The following MGST2 variants were observed in gnomAD, a reference collection of about 807,000 sequenced individuals.
MGST2 encodes microsomal glutathione S-transferase 2, also known as glutathione peroxidase MGST2.
MGST2 carries 9 observed loss-of-function variants against 16.6 expected under a neutral mutation model. The ratio of observed to expected loss-of-function variants is 0.54; its 90% CI spans 0.33 to 0.95. The LOEUF (loss-of-function observed/expected upper bound fraction) is 0.95, where lower values mean the gene tolerates loss of function less well. MGST2 is among the 40% of genes least tolerant of loss of function. MGST2 has a pLI of 0.03. For missense variants in MGST2, 159 were observed against 175.1 expected, an observed-to-expected ratio of 0.91 and a Z score of 0.52; for synonymous variants, 79 against 68.0, an observed-to-expected ratio of 1.16 and a Z score of -0.79.
At chr4:139,683,108 G>A (rs77945255) in intron 2 of MGST2, among the ~76,000 whole-genome samples, 2,043 of 152,306 alleles carry the variant, frequency 0.013, 51 homozygotes, top group African/African-American at 0.045. Flanking sequence ...AGGGTGGCAA[G>A]TTTCATCCTG....
chr4:139,701,789 C>G lies in MGST2; in HGVS notation c.230-1666C>G, dbSNP rs185506387. ...GACCAGCCTAGGCAACATAGGGAGG[C>G]CTTTTCTCTGAAAAAAAAAATTAAA... On this transcript the variant is annotated intron_variant, in intron 3 of 4. Transcript: ENST00000265498. Among the ~76,000 whole-genome samples the G allele has an allele frequency of 1.5e-3, 234 of 151,874 alleles. 1 individual carries two copies. Among genetic ancestry groups the G allele is most frequent in the African/African-American group, 5.0e-3 (207 of 41,390 alleles).
At chr4:139,686,545 C>T (rs912720244) in intron 2 of MGST2, among the ~76,000 whole-genome samples, 3 of 152,148 alleles carry the variant, frequency 2.0e-5, no homozygotes, top group Admixed American at 6.6e-5. Context: ...TTGGTTTACA[C>T]CCTATTCAAC....
intron 5 of MGST2, among the ~76,000 whole-genome samples, chr4:139,739,503 T>C (rs537879397): frequency 1.3e-5 from 2 of 152,310 alleles, no homozygotes; most frequent in Admixed American, 1.3e-4. Flanking sequence ...ACCAAAGCAA[T>C]TCTACATTGG....
chr4:139,665,917 A>AC lies in MGST2; in HGVS notation c.-100dup. 2 of 1,186,628 alleles carry AC rather than the reference A, an allele frequency of 1.7e-6. No homozygotes were observed. Among genetic ancestry groups the AC allele is most frequent in the Non-Finnish European group, 2.5e-6 (2 of 803,712 alleles). The allele number at this position is 1,186,628 out of a possible 1,614,324, so 73.5% of individuals were successfully genotyped here. On this transcript the variant is annotated 5_prime_UTR_variant, in exon 1 of 5. Coordinates refer to ENST00000265498, the MANE Select transcript of MGST2 (RefSeq NM_002413.5). Reference sequence around the variant, plus strand: ...CCGCTTGAATCAGCCTTTTCCCCCCACCCGGTCCCCAACTTTGTTTACCCG... The same window carrying AC: ...CCGCTTGAATCAGCCTTTTCCCCCCACCCCGGTCCCCAACTTTGTTTACCCG...
At chr4:139,718,003 A>T (rs576636098) in intron 5 of MGST2, 3 of 152,264 alleles carry the variant, frequency 2.0e-5, no homozygotes, top group Non-Finnish European at 4.4e-5. Context: ...AGGTGGAGCA[A>T]TTGCTTTTTT....
intron 5 of MGST2, among the ~76,000 whole-genome samples, chr4:139,714,830 C>T (rs968229560): frequency 2.6e-5 from 4 of 152,106 alleles, no homozygotes; most frequent in African/African-American, 4.8e-5. Flanking sequence ...TGGCTGCTGT[C>T]GGTGGAGCAA....
At chr4:139,681,251 C>T (rs1419924729) in intron 2 of MGST2, among the ~76,000 whole-genome samples, 1 of 152,154 alleles carries the variant, frequency 6.6e-6, no homozygotes, top group Non-Finnish European at 1.5e-5. Flanking sequence ...CATCTGGGCT[C>T]AAGCAATCTG....
chr4:139,719,814 T>G (rs1218150900), intron 5 of MGST2: 2 of 1,613,546 alleles, frequency 1.2e-6, no homozygotes, highest in South Asian at 2.2e-5. Context: ...AATTCTCCAC[T>G]AGTCCTCCCA....
chr4:139,685,628 G>T (rs2110846247), intron 2 of MGST2, among the ~76,000 whole-genome samples: 2 of 152,208 alleles, frequency 1.3e-5, no homozygotes, highest in East Asian at 3.9e-4. Context: ...TCAACAAAAA[G>T]AGTCAAACTC....
intron 5 of MGST2, chr4:139,718,587 C>G (rs576522266): frequency 1.3e-5 from 2 of 152,614 alleles, no homozygotes; most frequent in East Asian, 3.9e-4. Flanking sequence ...ACCAGGGGCA[C>G]CAGCAGAGGG....
intron 1 of MGST2, among the ~76,000 whole-genome samples, chr4:139,673,523 C>T (rs1730813315): frequency 6.6e-6 from 1 of 152,186 alleles, no homozygotes; most frequent in African/African-American, 2.4e-5. Context: ...CCTGCCTACT[C>T]AGCCTCCTAA....
intron 5 of MGST2, among the ~76,000 whole-genome samples, chr4:139,713,365 T>G (rs1727809061): frequency 6.6e-6 from 1 of 151,470 alleles, no homozygotes; most frequent in Non-Finnish European, 1.5e-5. Context: ...TGACACCTCC[T>G]TTGTTTTTCC....
intron 2 of MGST2, among the ~76,000 whole-genome samples, chr4:139,687,048 A>G (rs1014124388): frequency 1.2e-3 from 186 of 152,332 alleles, no homozygotes; most frequent in East Asian, 3.9e-4. Context: ...ACTGAACACC[A>G]TTTCCAAGTA....
chr4:139,709,967 G>T (rs1276093601), intron 5 of MGST2, among the ~76,000 whole-genome samples: 1 of 152,170 alleles, frequency 6.6e-6, no homozygotes, highest in Non-Finnish European at 1.5e-5. Flanking sequence ...ACTTAAAAGA[G>T]AATTGAGGAC....
At chr4:139,672,824 T>G (rs974738547) in intron 1 of MGST2, among the ~76,000 whole-genome samples, 1 of 152,226 alleles carries the variant, frequency 6.6e-6, no homozygotes, top group Non-Finnish European at 1.5e-5. Flanking sequence ...GTGTTGGGAT[T>G]ACAGGCGTGA....
At chr4:139,740,720 A>G (rs1729138061) in exon 6 of MGST2, 1 of 152,310 alleles carries the variant, frequency 6.6e-6, no homozygotes, top group African/African-American at 2.4e-5. Context: ...ACGCTGCCAA[A>G]TGGAGCTCTC....
intron 5 of MGST2, chr4:139,730,651 C>G: frequency 6.2e-7 from 1 of 1,612,424 alleles, no homozygotes; most frequent in South Asian, 1.1e-5. Context: ...TCGGGGAAGT[C>G]CAACTGGATG....
At chr4:139,675,896 T>C (rs1296881465) in intron 1 of MGST2, among the ~76,000 whole-genome samples, 1 of 152,104 alleles carries the variant, frequency 6.6e-6, no homozygotes, top group African/African-American at 2.4e-5. Context: ...TCCGGAGATG[T>C]ATAGAGGTAG....
chr4:139,746,338 T>C, the MGST2 span, among the ~76,000 whole-genome samples: 4 of 152,352 alleles, frequency 2.6e-5, no homozygotes, highest in African/African-American at 7.2e-5. Flanking sequence ...AAATTTATGA[T>C]TGAAGTTAAG....
Sources: allele counts gnomAD v4.1 joint callset (sites outside exome capture counted in the v4.1 genomes callset), GRCh38; gene constraint gnomAD v4.1.1; transcripts MANE v1.5; gene names NCBI Gene and HGNC (gene_info 2026-07-23, HGNC 2026-07-21).